The following ENTREP2 variants were observed in gnomAD, a reference collection of about 807,000 sequenced individuals.
ENTREP2 encodes the protein protein ENTREP2.
At chr15:29,425,411 G>A in the ENTREP2 span, among the ~76,000 whole-genome samples, 46 of 152,108 alleles carry the variant, frequency 3.0e-4, no homozygotes, top group Non-Finnish European at 5.9e-4. Flanking sequence ...TTGATCATAC[G>A]TGGACAGTCC....
chr15:29,478,949 C>T, the ENTREP2 span, among the ~76,000 whole-genome samples: 2 of 147,948 alleles, frequency 1.4e-5, no homozygotes, highest in Non-Finnish European at 3.0e-5. Flanking sequence ...AATCCCAGCA[C>T]TTTGGGAGGC....
chr15:29,234,263 G>T, the ENTREP2 span: 50 of 1,612,448 alleles, frequency 3.1e-5, no homozygotes, highest in South Asian at 4.4e-5. Context: ...CGCAGAAGGA[G>T]TTTTAAGTTC....
the ENTREP2 span, among the ~76,000 whole-genome samples, chr15:29,436,847 C>T: frequency 6.6e-5 from 10 of 152,192 alleles, no homozygotes; most frequent in African/African-American, 1.9e-4. Flanking sequence ...TGTAACATTA[C>T]GGAATTTCCA....
the ENTREP2 span, among the ~76,000 whole-genome samples, chr15:29,177,254 A>ATGTGATGGCTGGCAAAAAAGC: frequency 3.3e-5 from 5 of 152,180 alleles, no homozygotes; most frequent in African/African-American, 1.2e-4. Context: ...GTGAGTACAC[A>ATGTGATGGCTGGCAAAAAAGC]TGTGATGGCT....
the ENTREP2 span, among the ~76,000 whole-genome samples, chr15:29,592,336 T>A: frequency 1.3e-5 from 2 of 152,216 alleles, no homozygotes; most frequent in African/African-American, 2.4e-5. Context: ...TGTGTTGCTA[T>A]AACAGAATAC....
At chr15:29,593,420 C>T in the ENTREP2 span, among the ~76,000 whole-genome samples, 6 of 152,212 alleles carry the variant, frequency 3.9e-5, no homozygotes, top group African/African-American at 1.4e-4. Context: ...GTGACAACTC[C>T]CCCACCAGTG....
At chr15:29,393,654 C>T in the ENTREP2 span, among the ~76,000 whole-genome samples, 1 of 152,086 alleles carries the variant, frequency 6.6e-6, no homozygotes, top group South Asian at 2.1e-4. Flanking sequence ...AGCCAAAATG[C>T]CAGAATCAGA....
the ENTREP2 span, among the ~76,000 whole-genome samples, chr15:29,291,974 C>T: frequency 6.6e-6 from 1 of 152,080 alleles, no homozygotes; most frequent in Non-Finnish European, 1.5e-5. Context: ...TGAAAAACTG[C>T]CCCACCACCC....
chr15:29,417,427 G>A, the ENTREP2 span, among the ~76,000 whole-genome samples: 2 of 152,008 alleles, frequency 1.3e-5, no homozygotes, highest in Non-Finnish European at 2.9e-5. Context: ...TTCTCACTCA[G>A]GTGGGAATTG....
the ENTREP2 span, chr15:29,375,896 C>T: frequency 1.3e-5 from 2 of 151,862 alleles, no homozygotes; most frequent in Non-Finnish European, 2.9e-5. Context: ...CTGATTGAGC[C>T]GTGATGGATA....
chr15:29,602,609 C>T, the ENTREP2 span, among the ~76,000 whole-genome samples: 2 of 152,112 alleles, frequency 1.3e-5, no homozygotes, highest in Admixed American at 1.3e-4. Flanking sequence ...GCGATCTCAG[C>T]TCATTGCAAC....
chr15:29,198,304 T>G, the ENTREP2 span, among the ~76,000 whole-genome samples: 1 of 152,176 alleles, frequency 6.6e-6, no homozygotes, highest in African/African-American at 2.4e-5. Flanking sequence ...CTGCCAGCTC[T>G]CCAGTCCCAG....
At chr15:29,124,579 G>A in the ENTREP2 span, 1 of 881,804 alleles carries the variant, frequency 1.1e-6, no homozygotes, top group Non-Finnish European at 1.8e-6. Flanking sequence ...CATTCCCGGG[G>A]GTGGGGTGAG....
At chr15:29,294,655 C>A in the ENTREP2 span, among the ~76,000 whole-genome samples, 15,591 of 152,188 alleles carry the variant, frequency 0.1, 1,883 homozygotes, top group African/African-American at 0.3. Context: ...ATCTTAGAAT[C>A]TTGGAAATGA....
At chr15:29,245,571 A>G in the ENTREP2 span, among the ~76,000 whole-genome samples, 3 of 151,588 alleles carry the variant, frequency 2.0e-5, no homozygotes, top group South Asian at 6.2e-4. Context: ...TGCAACCAAT[A>G]TAACAATAGC....
the ENTREP2 span, among the ~76,000 whole-genome samples, chr15:29,139,720 C>G: frequency 6.6e-6 from 1 of 152,182 alleles, no homozygotes; most frequent in Non-Finnish European, 1.5e-5. Flanking sequence ...GGTCGCCTTT[C>G]GGGGACATGT....
chr15:29,148,932 A>C, the ENTREP2 span, among the ~76,000 whole-genome samples: 1 of 151,686 alleles, frequency 6.6e-6, no homozygotes, highest in African/African-American at 2.4e-5. Context: ...GCTGTAGTGC[A>C]ATGGCACAGT....
the ENTREP2 span, among the ~76,000 whole-genome samples, chr15:29,330,570 T>C: frequency 6.6e-6 from 1 of 152,178 alleles, no homozygotes; most frequent in Admixed American, 6.5e-5. Flanking sequence ...CACTGACCAG[T>C]ACTGCTCAAC....
At chr15:29,444,749 G>A in the ENTREP2 span, among the ~76,000 whole-genome samples, 4 of 152,148 alleles carry the variant, frequency 2.6e-5, no homozygotes, top group Admixed American at 2.0e-4. Flanking sequence ...ACAGGTGTGA[G>A]CCATCACACC....
Sources: gnomAD v4.1 joint callset for allele counts (sites outside exome capture counted in the v4.1 genomes callset) on GRCh38, gnomAD v4.1.1 for gene constraint, MANE v1.5 for transcripts, NCBI Gene and HGNC (gene_info 2026-07-23, HGNC 2026-07-21) for gene names.